Variants in SCAF4 observed in about 807,000 individuals in gnomAD.
The protein encoded by SCAF4 is SR-related and CTD-associated factor 4.
A neutral mutation model predicts 129.8 loss-of-function variants in SCAF4; 25 were observed. The observed-to-expected ratio is 0.19, with a 90% CI of 0.14 to 0.27. The LOEUF (loss-of-function observed/expected upper bound fraction) is 0.27, where lower values mean the gene tolerates loss of function less well. Ranked by LOEUF, SCAF4 falls within the 10% of genes least tolerant of loss-of-function variation. The pLI is 1.00. For synonymous variants in SCAF4, 551 were observed against 497.7 expected, an observed-to-expected ratio of 1.11 and a Z score of -1.43; for missense variants, 1,246 against 1,457.1, an observed-to-expected ratio of 0.86 and a Z score of 2.36.
Position 31,690,805 on chromosome 21 carries a change from A to T in SCAF4, c.1877T>A (p.Leu626His). 1 of 1,612,280 alleles carries T rather than the reference A, an allele frequency of 6.2e-7. No homozygotes were observed. Residue 626 changes from leucine (L) to histidine (H), a missense_variant, in exon 15 of 20, where the codon CTT becomes CAT. This residue lies in a region of SCAF4 where 468 missense variants were observed against 605.5 expected (regional missense o/e 0.77). Coordinates refer to ENST00000286835, the MANE Select transcript of SCAF4 (RefSeq NM_020706.2). ...CEGGMLDSDTLNPDWKGIPKK... is the reference protein window; with the variant it reads ...CEGGMLDSDTHNPDWKGIPKK... ...ATTAAATACTGCTTTACCTGGGTTA[A>T]GTGTGTCACTGTCCAACATTCCTCC...
At chr21:31,686,502 AAAGTGCC>A (rs1431467577) in intron 16 of SCAF4, among the ~76,000 whole-genome samples, 6 of 152,194 alleles carry the variant, frequency 3.9e-5, no homozygotes, top group African/African-American at 1.4e-4. Context: ...CTAAAACGGC[AAAGTGCC>A]AACCACACAT....
At chr21:31,713,278 T>C (rs1568858167) in intron 1 of SCAF4, among the ~76,000 whole-genome samples, 2 of 152,214 alleles carry the variant, frequency 1.3e-5, no homozygotes, top group Admixed American at 6.5e-5. Context: ...TAACGGTAAG[T>C]GCACAGGCTC....
intron 1 of SCAF4, among the ~76,000 whole-genome samples, chr21:31,719,487 A>G (rs992312692): frequency 6.6e-6 from 1 of 151,948 alleles, no homozygotes; most frequent in Non-Finnish European, 1.5e-5. Flanking sequence ...AGCATGTCCT[A>G]ATGTATTATT....
intron 17 of SCAF4, 33 bp downstream of exon 17, chr21:31,685,535 C>T: frequency 6.2e-7 from 1 of 1,613,968 alleles, no homozygotes; most frequent in East Asian, 2.2e-5. Flanking sequence ...CCATCGCAGG[C>T]TCTAAAGTAT....
intron 16 of SCAF4, among the ~76,000 whole-genome samples, chr21:31,687,143 T>A (rs1299817534): frequency 1.3e-5 from 2 of 152,206 alleles, no homozygotes; most frequent in Non-Finnish European, 2.9e-5. Context: ...TTCACTTTCA[T>A]GATAGCTCAG....
chr21:31,728,390 C>A (rs954622197), intron 1 of SCAF4, among the ~76,000 whole-genome samples: 1 of 152,146 alleles, frequency 6.6e-6, no homozygotes, highest in East Asian at 1.9e-4. Flanking sequence ...ATTTCCTTAT[C>A]TCCCATCACC....
At chr21:31,693,008 A>G (rs1033914184) in intron 12 of SCAF4, among the ~76,000 whole-genome samples, 13 of 152,332 alleles carry the variant, frequency 8.5e-5, no homozygotes, top group African/African-American at 3.1e-4. Context: ...CACCTTACTA[A>G]ATGTATTCTG....
At chr21:31,689,093 C>A (rs908550257) in intron 15 of SCAF4, among the ~76,000 whole-genome samples, 5 of 152,146 alleles carry the variant, frequency 3.3e-5, no homozygotes, top group Non-Finnish European at 5.9e-5. Context: ...ATTACACCAT[C>A]TTCTTCTTTT....
intron 15 of SCAF4, 135 bp downstream of exon 15, chr21:31,690,662 T>G (rs909126578): frequency 1.5e-6 from 1 of 682,916 alleles, no homozygotes; most frequent in Non-Finnish European, 2.5e-6. Context: ...CAGTTTATAA[T>G]GGAGATACTG....
rs143011269 is a variant in SCAF4, at chr21:31,708,159, G to A, written c.31-1802C>T. On this transcript the variant is annotated intron_variant, in intron 1 of 19. Coordinates refer to ENST00000286835, the MANE Select transcript of SCAF4 (RefSeq NM_020706.2). ...TCCCAGCACTTTGGGAGGCCTAGGT[G>A]GGCGGTTCACCTGAGGTCAGGAGTT... Among the ~76,000 whole-genome samples, 21 of 152,000 alleles carry A rather than the reference G, an allele frequency of 1.4e-4. No individual in the cohort carries two copies. In the East Asian group the frequency reaches 3.9e-3, roughly 28 times the overall value.
chr21:31,672,053 G>C lies in SCAF4; in HGVS notation c.2790C>G (p.Gly930=), dbSNP rs778447662. ...GMPGLGGPGP[G]PGGPEDRDGR... ...CGTCTCTGTCTTCAGGACCCCCTGGGCCTGGCCCTGGGCCCCCGAGCCCTG... is the reference window on the plus strand; with the variant it reads ...CGTCTCTGTCTTCAGGACCCCCTGGCCCTGGCCCTGGGCCCCCGAGCCCTG... The change falls in exon 20 of 20, where the codon GGC becomes GGG. Residue 930 remains glycine (G), a synonymous_variant. Coordinates refer to ENST00000286835, the MANE Select transcript of SCAF4 (RefSeq NM_020706.2). 6.2e-7 allele frequency: 1 copy of C among 1,613,246 alleles called. No homozygotes were observed. The highest frequency in any genetic ancestry group is 8.5e-7 in the Non-Finnish European group (1 of 1,179,580).
chr21:31,680,995 ATC>A (rs1244386402), intron 19 of SCAF4, among the ~76,000 whole-genome samples: 1 of 152,204 alleles, frequency 6.6e-6, no homozygotes, highest in Non-Finnish European at 1.5e-5. Context: ...AGGTGTCCAA[ATC>A]TGGAATCATC....
intron 7 of SCAF4, among the ~76,000 whole-genome samples, chr21:31,700,217 A>G (rs2050491516): frequency 6.7e-6 from 1 of 148,862 alleles, no homozygotes; most frequent in Middle Eastern, 3.6e-3. Flanking sequence ...ATAATTTTAT[A>G]TATTTTTATA....
chr21:31,730,608 T>C (rs1453487552), intron 1 of SCAF4, among the ~76,000 whole-genome samples: 3 of 152,248 alleles, frequency 2.0e-5, no homozygotes, highest in Non-Finnish European at 4.4e-5. Context: ...ATTTGATTTT[T>C]CAATGTTGCT....
chr21:31,690,118 A>G (rs2050223763), intron 15 of SCAF4, among the ~76,000 whole-genome samples: 1 of 152,164 alleles, frequency 6.6e-6, no homozygotes, highest in African/African-American at 2.4e-5. Flanking sequence ...TCATTGTCTT[A>G]CACGTTTACT....
intron 1 of SCAF4, among the ~76,000 whole-genome samples, chr21:31,729,685 T>C (rs1253115522): frequency 6.6e-6 from 1 of 152,234 alleles, no homozygotes; most frequent in Non-Finnish European, 1.5e-5. Flanking sequence ...GGAGTTTTAA[T>C]TTAGCAGAAG....
intron 19 of SCAF4, 191 bp downstream of exon 19, chr21:31,684,858 A>G (rs775470401): frequency 1.2e-5 from 7 of 576,440 alleles, no homozygotes; most frequent in Non-Finnish European, 2.2e-5. Context: ...GATCAAGTAC[A>G]CATATTTGAC....
At chr21:31,700,009 C>G (rs1231097241) in intron 7 of SCAF4, among the ~76,000 whole-genome samples, 1 of 151,738 alleles carries the variant, frequency 6.6e-6, no homozygotes, top group East Asian at 1.9e-4. Flanking sequence ...ATTCTGTTGC[C>G]CAGGCTAGTG....
At chr21:31,684,916 C>T in intron 19 of SCAF4, 133 bp downstream of exon 19, 1 of 575,084 alleles carries the variant, frequency 1.7e-6, no homozygotes, top group Non-Finnish European at 3.0e-6. Context: ...ACAAAACAAC[C>T]AAAAAAGCCA....
Sources: allele counts gnomAD v4.1 joint callset (sites outside exome capture counted in the v4.1 genomes callset), GRCh38; gene constraint gnomAD v4.1.1; regional missense constraint gnomAD v4.1.1; transcripts MANE v1.5; gene names NCBI Gene and HGNC (gene_info 2026-07-23, HGNC 2026-07-21).